SCLT1: variants seen among roughly 807,000 people sequenced by gnomAD.
SCLT1 encodes sodium channel-associated protein 1.
SCLT1 carries 78 observed loss-of-function variants against 112.8 expected under a neutral mutation model. The ratio of observed to expected loss-of-function variants is 0.69; its 90% CI spans 0.58 to 0.83. SCLT1 has a LOEUF of 0.83. Ranked by LOEUF, SCLT1 falls within the 40% of genes least tolerant of loss-of-function variation. The pLI, the probability that SCLT1 is intolerant of heterozygous loss-of-function variation, is 0.00. For missense variants in SCLT1, 747 were observed against 770.4 expected (o/e 0.97, Z 0.36); for synonymous variants, 257 against 254.7 (o/e 1.01, Z -0.09).
chr4:128,995,156 G>A lies in SCLT1; in HGVS notation c.615+2718C>T, dbSNP rs148386968. Reference sequence around the variant, plus strand: ...TCTTCTAAGAACTTTATAAGTAAGAGGTGTTAGATTTAAGTCTTTAATCCA... The same window carrying A: ...TCTTCTAAGAACTTTATAAGTAAGAAGTGTTAGATTTAAGTCTTTAATCCA... On this transcript the variant is annotated intron_variant, in intron 8 of 20. Coordinates refer to ENST00000281142, the MANE Select transcript of SCLT1 (RefSeq NM_144643.4). Among the ~76,000 whole-genome samples, 249 of 152,168 alleles carry A rather than the reference G, an allele frequency of 1.6e-3. 2 individuals are homozygous for A. Among genetic ancestry groups the A allele is most frequent in the East Asian group, 0.014 (71 of 5,182 alleles).
chr4:128,896,894 C>T (rs554967116), intron 18 of SCLT1, among the ~76,000 whole-genome samples: 18 of 151,082 alleles, frequency 1.2e-4, no homozygotes, highest in Middle Eastern at 3.4e-3. Flanking sequence ...CCTCAGTAGC[C>T]GATTCGATCA....
In SCLT1 at chr4:128,901,636, C is replaced by T. The variant is rs543275466; in HGVS notation, c.1830-10499G>A. ...TGTATACATATGTAACTAACCTGCACGTTGTACACATGTACCCTAAAACTT... is the reference window on the plus strand; with the variant it reads ...TGTATACATATGTAACTAACCTGCATGTTGTACACATGTACCCTAAAACTT... On this transcript the variant is annotated intron_variant, in intron 18 of 20. Coordinates refer to ENST00000281142, the MANE Select transcript of SCLT1 (RefSeq NM_144643.4). 5.4e-4 allele frequency among the ~76,000 whole-genome samples: 81 copies of T among 150,980 alleles called. No homozygotes were observed. In the Middle Eastern group the frequency reaches 0.014, roughly 25 times the overall value.
At chr4:128,890,675 T>C (rs1439948679) in intron 19 of SCLT1, among the ~76,000 whole-genome samples, 1 of 152,216 alleles carries the variant, frequency 6.6e-6, no homozygotes, top group East Asian at 1.9e-4. Context: ...AAATATATTT[T>C]AATATATTCC....
intron 5 of SCLT1, among the ~76,000 whole-genome samples, chr4:129,023,982 G>A (rs1287748294): frequency 6.6e-6 from 1 of 152,220 alleles, no homozygotes; most frequent in Non-Finnish European, 1.5e-5. Flanking sequence ...CAGCGAGGCT[G>A]GGGGAGGGGC....
At chr4:129,044,599 A>T (rs1351161548) in intron 2 of SCLT1, among the ~76,000 whole-genome samples, 8 of 151,992 alleles carry the variant, frequency 5.3e-5, no homozygotes, top group Non-Finnish European at 8.8e-5. Flanking sequence ...TTATTGAGAA[A>T]ATTAGCTTTA....
intron 2 of SCLT1, among the ~76,000 whole-genome samples, chr4:129,074,326 TG>T (rs1751274995): frequency 6.6e-6 from 1 of 152,174 alleles, no homozygotes; most frequent in African/African-American, 2.4e-5. Context: ...TAATAACAAT[TG>T]CTAAGAAAAT....
intron 2 of SCLT1, among the ~76,000 whole-genome samples, chr4:129,073,017 C>T (rs1751158610): frequency 1.3e-5 from 2 of 152,054 alleles, no homozygotes; most frequent in African/African-American, 4.8e-5. Context: ...ACACTCTGCC[C>T]CTTTTTCTAT....
chr4:128,914,987 A>AC (rs1735368469), intron 18 of SCLT1, among the ~76,000 whole-genome samples: 1 of 152,100 alleles, frequency 6.6e-6, no homozygotes, highest in African/African-American at 2.4e-5. Context: ...ATAAAGGGGC[A>AC]CGGCATACTA....
intron 5 of SCLT1, among the ~76,000 whole-genome samples, chr4:129,017,451 G>T (rs1745091206): frequency 6.6e-6 from 1 of 151,932 alleles, no homozygotes; most frequent in Non-Finnish European, 1.5e-5. Context: ...CAGATCAAAT[G>T]AATTTTATCT....
Position 128,891,095 on chromosome 4 carries a change from A to C in SCLT1, c.1872T>G (p.Leu624=), listed in dbSNP as rs753490371. The C allele has an allele frequency of 1.8e-5, 29 of 1,613,012 alleles. No individual in the cohort carries two copies. The highest frequency in any genetic ancestry group is 2.5e-5 in the Non-Finnish European group (29 of 1,179,522). Residue 624 remains leucine (L), a synonymous_variant, in exon 19 of 21, where the codon CTT becomes CTG. Transcript: ENST00000281142. The stretch of plus-strand genomic sequence containing the variant: ...TTTCATTTGCCATTTCCAGCTGAGA[A>C]AGCAGCTCTTGGGTATGAAGTTTCT... ...SRQKLHTQEL[L]SQLEMANEKV...
At chr4:129,023,823 T>G (rs1579739976) in intron 5 of SCLT1, among the ~76,000 whole-genome samples, 1 of 152,268 alleles carries the variant, frequency 6.6e-6, no homozygotes, top group East Asian at 1.9e-4. Flanking sequence ...GAAAATCGGG[T>G]CACTCCCACC....
At chr4:129,022,203 C>T (rs988846849) in intron 5 of SCLT1, among the ~76,000 whole-genome samples, 3 of 152,072 alleles carry the variant, frequency 2.0e-5, no homozygotes, top group Non-Finnish European at 2.9e-5. Context: ...AGTGCAAAAA[C>T]GCAGAAAATT....
chr4:128,968,498 C>G (rs1233234678), intron 10 of SCLT1, among the ~76,000 whole-genome samples: 1 of 151,972 alleles, frequency 6.6e-6, no homozygotes, highest in Non-Finnish European at 1.5e-5. Flanking sequence ...GATTTTAATT[C>G]CTTGAACATA....
chr4:128,911,863 T>A (rs1735122328), intron 18 of SCLT1, among the ~76,000 whole-genome samples: 1 of 152,220 alleles, frequency 6.6e-6, no homozygotes, highest in Admixed American at 6.5e-5. Flanking sequence ...TCAATTCTTA[T>A]GAAGTAGAGA....
chr4:129,022,729 A>G (rs1184177632), intron 5 of SCLT1, among the ~76,000 whole-genome samples: 1 of 152,216 alleles, frequency 6.6e-6, no homozygotes, highest in Non-Finnish European at 1.5e-5. Context: ...TCTTCAGGAT[A>G]TCATCCAGGA....
chr4:128,926,725 T>G (rs1269421866), intron 18 of SCLT1, among the ~76,000 whole-genome samples: 1 of 152,058 alleles, frequency 6.6e-6, no homozygotes, highest in African/African-American at 2.4e-5. Context: ...TTGTTTTACA[T>G]TTATTACTGT....
At position 128,945,956 on chromosome 4, in the gene SCLT1, T is replaced by C. The variant is rs755093565; in HGVS notation, c.1439+51A>G. ...GAAAAGGTAGCGAATCTGTCAAAAA[T>C]TGTGTGAATTCTGAAGATGTTATCA... On this transcript the variant is annotated intron_variant, in intron 16 of 20. Coordinates refer to ENST00000281142, the MANE Select transcript of SCLT1 (RefSeq NM_144643.4). 3.7e-6 allele frequency: 5 copies of C among 1,336,484 alleles called. No homozygotes were observed. The African/African-American group carries it at 7.3e-5, about 20-fold the overall frequency. The allele number at this position is 1,336,484 out of a possible 1,614,324, so 82.8% of individuals were successfully genotyped here. A position where few individuals can be genotyped will look rare whatever the true frequency, so the allele number is the denominator to read the frequency against.
chr4:128,955,375 T>C (rs2126007895), intron 13 of SCLT1, among the ~76,000 whole-genome samples: 1 of 152,350 alleles, frequency 6.6e-6, no homozygotes, highest in African/African-American at 2.4e-5. Context: ...AATCCAATAA[T>C]GGCACCAGCC....
chr4:128,910,639 T>A (rs1340101195), intron 18 of SCLT1, among the ~76,000 whole-genome samples: 1 of 152,118 alleles, frequency 6.6e-6, no homozygotes, highest in African/African-American at 2.4e-5. Context: ...GATTAGAAAG[T>A]CTTCTCTATT....
Sources: allele counts gnomAD v4.1 joint callset (sites outside exome capture counted in the v4.1 genomes callset), GRCh38; gene constraint gnomAD v4.1.1; transcripts MANE v1.5; gene names NCBI Gene and HGNC (gene_info 2026-07-23, HGNC 2026-07-21).